Variants in DPYD observed in about 807,000 individuals in gnomAD.
The protein encoded by DPYD is dihydropyrimidine dehydrogenase [NADP(+)].
DPYD carries 109 observed loss-of-function variants against 116.2 expected under a neutral mutation model. That is an observed-to-expected ratio of 0.94 (90% CI 0.80 to 1.10). The LOEUF (loss-of-function observed/expected upper bound fraction) is 1.10, where lower values mean the gene tolerates loss of function less well. Ranked by LOEUF, DPYD falls within the 50% of genes least tolerant of loss-of-function variation. The pLI is 0.00. For synonymous variants in DPYD, 440 were observed against 432.0 expected, an observed-to-expected ratio of 1.02 and a Z score of -0.23; for missense variants, 1,302 against 1,254.5, an observed-to-expected ratio of 1.04 and a Z score of -0.57.
intron 1 of DPYD, among the ~76,000 whole-genome samples, chr1:97,893,654 A>G (rs1464997895): frequency 6.6e-6 from 1 of 151,442 alleles, no homozygotes; most frequent in Non-Finnish European, 1.5e-5. Context: ...AATGCTCATC[A>G]TATCGCCTGG....
chr1:97,208,773 C>T (rs529531167), intron 19 of DPYD, among the ~76,000 whole-genome samples: 33 of 152,198 alleles, frequency 2.2e-4, no homozygotes, highest in African/African-American at 7.5e-4. Context: ...TGTTTGTTTT[C>T]TGTCAGAATG....
Position 97,440,861 on chromosome 1 carries a change from A to G in DPYD, c.1905+9198T>C, listed in dbSNP as rs188646516. ...GCATCATATTCCATCTGCCTAAAAC[A>G]GTTTAACATTACGCAGTGTAGACCT... is the stretch of plus-strand genomic sequence containing the variant. On this transcript the variant is annotated intron_variant, in intron 14 of 22. Transcript: ENST00000370192. 4.7e-4 allele frequency among the ~76,000 whole-genome samples: 72 copies of G among 152,344 alleles called. 1 individual carries two copies. The highest frequency in any genetic ancestry group is 1.7e-3 in the African/African-American group (70 of 41,580).
chr1:97,475,900 G>A (rs1677934826), intron 13 of DPYD, among the ~76,000 whole-genome samples: 1 of 152,134 alleles, frequency 6.6e-6, no homozygotes, highest in Admixed American at 6.6e-5. Flanking sequence ...TCCTGCTGAG[G>A]TTACACTCTA....
At chr1:97,248,145 T>C (rs1189557985) in intron 18 of DPYD, among the ~76,000 whole-genome samples, 2 of 152,198 alleles carry the variant, frequency 1.3e-5, no homozygotes, top group Non-Finnish European at 2.9e-5. Flanking sequence ...AGCATCATGA[T>C]CAAATACAGT....
intron 3 of DPYD, among the ~76,000 whole-genome samples, chr1:97,775,995 C>T (rs927771357): frequency 4.0e-5 from 6 of 151,870 alleles, no homozygotes; most frequent in Non-Finnish European, 8.8e-5. Flanking sequence ...TATGTATAGG[C>T]TACATGTGAT....
At chr1:97,198,533 C>G (rs1658970782) in intron 19 of DPYD, among the ~76,000 whole-genome samples, 1 of 152,156 alleles carries the variant, frequency 6.6e-6, no homozygotes, top group South Asian at 2.1e-4. Flanking sequence ...GATGCCTTGT[C>G]CTTGCCTAAC....
intron 18 of DPYD, among the ~76,000 whole-genome samples, chr1:97,289,499 G>A (rs965660503): frequency 6.6e-6 from 1 of 151,446 alleles, no homozygotes; most frequent in African/African-American, 2.4e-5. Context: ...ATGATCAAGT[G>A]GGCTTCATCC....
intron 4 of DPYD, among the ~76,000 whole-genome samples, chr1:97,724,302 GGGGGGGTGTGTGT>G (rs1663099500): frequency 1.3e-4 from 2 of 14,922 alleles, no homozygotes; most frequent in African/African-American, 2.6e-4. Flanking sequence ...GTGGGGGGGG[GGGGGGGTGTGTGT>G]GTGTGTGTGT....
chr1:97,879,549 A>G (rs1418873613), intron 2 of DPYD, among the ~76,000 whole-genome samples: 1 of 151,934 alleles, frequency 6.6e-6, no homozygotes, highest in Non-Finnish European at 1.5e-5. Flanking sequence ...CTTAAAATAT[A>G]CTGGAAATAA....
At chr1:97,576,978 T>C (rs1162160997) in intron 10 of DPYD, among the ~76,000 whole-genome samples, 2 of 152,162 alleles carry the variant, frequency 1.3e-5, no homozygotes, top group South Asian at 2.1e-4. Flanking sequence ...AAAGAAAAAA[T>C]AGTAATATCA....
At chr1:97,795,161 T>C (rs1002682835) in intron 3 of DPYD, among the ~76,000 whole-genome samples, 10 of 152,010 alleles carry the variant, frequency 6.6e-5, no homozygotes, top group African/African-American at 1.7e-4. Context: ...GTTACCAGTG[T>C]TGGGTAACTT....
chr1:97,275,878 C>A (rs2100912061), intron 18 of DPYD, among the ~76,000 whole-genome samples: 1 of 152,256 alleles, frequency 6.6e-6, no homozygotes, highest in South Asian at 2.1e-4. Context: ...GCTTATCATG[C>A]CTTCTCCTGA....
chr1:97,116,150 C>G (rs1048013059), intron 20 of DPYD, among the ~76,000 whole-genome samples: 7 of 152,084 alleles, frequency 4.6e-5, no homozygotes, highest in African/African-American at 1.7e-4. Context: ...TATTTATATA[C>G]AAAAACACAG....
intron 16 of DPYD, among the ~76,000 whole-genome samples, chr1:97,365,286 C>T (rs1325608922): frequency 6.6e-6 from 1 of 152,204 alleles, no homozygotes; most frequent in Non-Finnish European, 1.5e-5. Context: ...CCTTTTCCTG[C>T]CAATATTCAT....
intron 14 of DPYD, among the ~76,000 whole-genome samples, chr1:97,403,643 C>T (rs12725266): frequency 0.29 from 43,909 of 151,588 alleles, 7,798 homozygotes; most frequent in South Asian, 0.46. Flanking sequence ...CCCTGGGACC[C>T]GTAGTGATGT....
chr1:97,291,980 T>G (rs1050828038), intron 18 of DPYD, among the ~76,000 whole-genome samples: 2 of 152,202 alleles, frequency 1.3e-5, no homozygotes, highest in African/African-American at 2.4e-5. Context: ...ATTTTAAATT[T>G]TTTTTACACA....
chr1:97,763,726 T>C (rs1290523726), intron 3 of DPYD, among the ~76,000 whole-genome samples: 2 of 152,202 alleles, frequency 1.3e-5, no homozygotes, highest in Non-Finnish European at 1.5e-5. Flanking sequence ...TTTTAAATTA[T>C]TGTGATTTAT....
chr1:97,155,795 T>A (rs747238947), intron 20 of DPYD, among the ~76,000 whole-genome samples: 182 of 152,334 alleles, frequency 1.2e-3, no homozygotes, highest in Admixed American at 1.6e-3. Context: ...TCCTTAGTGT[T>A]CTTTTGATCT....
At position 97,146,611 on chromosome 1, in the gene DPYD, G is replaced by A. The variant is rs76682173; in HGVS notation, c.2622+46458C>T. Among the ~76,000 whole-genome samples, 374 of 152,228 alleles carry A rather than the reference G, an allele frequency of 2.5e-3. 2 individuals carry two copies. In the East Asian group the frequency reaches 0.031, roughly 13 times the overall value. On this transcript the variant is annotated intron_variant, in intron 20 of 22. Transcript: ENST00000370192. ...AAATGATTGTTAAATCTAAGAATAC[G>A]GAGAATACTCTTCCATTCTTTTCTA...
Sources: gnomAD v4.1 joint callset for allele counts (sites outside exome capture counted in the v4.1 genomes callset) on GRCh38, gnomAD v4.1.1 for gene constraint, MANE v1.5 for transcripts, NCBI Gene and HGNC (gene_info 2026-07-23, HGNC 2026-07-21) for gene names.